The following STXBP2 variants were observed in gnomAD, a reference collection of about 807,000 sequenced individuals.
STXBP2 encodes syntaxin-binding protein 2.
A neutral mutation model predicts 72.2 loss-of-function variants in STXBP2; 47 were observed. The observed-to-expected ratio is 0.65, with a 90% CI of 0.51 to 0.83. STXBP2 has a LOEUF of 0.83. Ranked by LOEUF, STXBP2 falls within the 40% of genes least tolerant of loss-of-function variation. The pLI is 0.00. For synonymous variants in STXBP2, 367 were observed against 338.7 expected (o/e 1.08, Z -0.92); for missense variants, 702 against 807.6 (o/e 0.87, Z 1.58).
rs555533934 is a variant in STXBP2, at chr19:7,640,188, ATGTG to A, written c.246+385_246+388del. 186 of 513,636 alleles carry A rather than the reference ATGTG, an allele frequency of 3.6e-4. No homozygotes were observed. The Admixed American group carries it at 4.4e-3, about 12-fold the overall frequency. 31.8% of individuals were successfully genotyped at this position (513,636 alleles called of 1,614,324 possible). ...TGTGTGTGTGCGTCTGTCTGTGTGCATGTGTGTATGCGTGTGTATGTATGTGTCT... is the reference window on the plus strand; with the variant it reads ...TGTGTGTGTGCGTCTGTCTGTGTGCATGTATGCGTGTGTATGTATGTGTCT... On this transcript the variant is annotated intron_variant, in intron 4 of 18. Coordinates refer to ENST00000221283, the MANE Select transcript of STXBP2 (RefSeq NM_006949.4).
chr19:7,636,800 C>T (rs2031552004), upstream of STXBP2: 1 of 262,326 alleles, frequency 3.8e-6, no homozygotes, highest in Non-Finnish European at 7.2e-6. Context: ...CGAGTGGGTG[C>T]CGTGTATCTT....
At position 7,646,242 on chromosome 19, in the gene STXBP2, C is replaced by T; in HGVS notation, c.1357-7C>T. 1 of 1,597,468 alleles carries T rather than the reference C, an allele frequency of 6.3e-7. No individual in the cohort carries two copies. Among genetic ancestry groups the T allele is most frequent in the Non-Finnish European group, 8.5e-7 (1 of 1,173,098 alleles). ...TCCCCCTGCTGCCCTCCCTGCCCTGCCTGTAGGGCTCGGGGACCTCCAGCC... is the reference window on the plus strand; with the variant it reads ...TCCCCCTGCTGCCCTCCCTGCCCTGTCTGTAGGGCTCGGGGACCTCCAGCC... On this transcript the variant is annotated splice_polypyrimidine_tract_variant and splice_region_variant and intron_variant, in intron 15 of 18. Transcript: ENST00000221283.
At chr19:7,637,048 C>T (rs1251947535), upstream of STXBP2, 14 of 1,187,388 alleles carry the variant, frequency 1.2e-5, no homozygotes, top group African/African-American at 1.6e-5. Context: ...GCGCAGGGGG[C>T]GGGGACAGGG....
chr19:7,635,255 C>T (rs891249832), upstream of STXBP2, among the ~76,000 whole-genome samples: 4 of 152,172 alleles, frequency 2.6e-5, no homozygotes, highest in Non-Finnish European at 2.9e-5. Flanking sequence ...AAGACAAAAC[C>T]CAAACACCTA....
At chr19:7,632,928 C>G, upstream of STXBP2, 1 of 1,495,376 alleles carries the variant, frequency 6.7e-7, no homozygotes, top group Middle Eastern at 1.7e-4. The surrounding 1 kb of genome is among the most constrained non-coding windows in gnomAD (Gnocchi z 5.2). Context: ...CCGGGGCCTG[C>G]CGTCCCCACT....
rs1483752718 is a variant in STXBP2, at chr19:7,640,992, T to C, written c.418T>C (p.Tyr140His). 1.2e-6 allele frequency: 2 copies of C among 1,614,102 alleles called. No individual in the cohort carries two copies. Among genetic ancestry groups the C allele is most frequent in the Non-Finnish European group, 1.7e-6 (2 of 1,180,000 alleles). ...LKEIHLAFLP[Y>H]EAQVFSLDAP... ...GGAGATTCACCTTGCCTTCCTCCCCTACGAGGCCCAGGTACGGCCCGGGCT... is the reference window on the plus strand; with the variant it reads ...GGAGATTCACCTTGCCTTCCTCCCCCACGAGGCCCAGGTACGGCCCGGGCT... Residue 140 changes from tyrosine (Y) to histidine (H), a missense_variant, in exon 6 of 19, where the codon TAC (tyrosine) becomes CAC (histidine). Tyr to His is a moderately conservative substitution (Grantham distance 83). Coordinates refer to ENST00000221283, the MANE Select transcript of STXBP2 (RefSeq NM_006949.4).
At position 7,644,979 on chromosome 19, in the gene STXBP2, C is replaced by T. The variant is rs1373401880; in HGVS notation, c.1247-218C>T. 3 of 1,447,422 alleles carry T rather than the reference C, an allele frequency of 2.1e-6. No homozygotes were observed. The East Asian group carries it at 7.5e-5, about 36-fold the overall frequency. 89.7% of individuals were successfully genotyped at this position (1,447,422 alleles called of 1,614,324 possible). A position where few individuals can be genotyped will look rare whatever the true frequency, so the allele number is the denominator to read the frequency against. On this transcript the variant is annotated intron_variant, in intron 14 of 18. Coordinates refer to ENST00000221283, the MANE Select transcript of STXBP2 (RefSeq NM_006949.4). ...GTAGAAACCCTCACATCTGTGATTC[C>T]TATAGATGTGGGGCTCCCTCAGCTC... is the stretch of plus-strand genomic sequence containing the variant.
intron 15 of STXBP2, 166 bp from the exon 16 acceptor site, chr19:7,646,083 T>TTC: frequency 1.6e-6 from 1 of 628,860 alleles, no homozygotes; most frequent in Non-Finnish European, 2.9e-6. Flanking sequence ...GGCTCACTGT[T>TTC]TCTCTCTCTC....
chr19:7,630,760 C>G, the STXBP2 span: 1 of 1,536,632 alleles, frequency 6.5e-7, no homozygotes, highest in East Asian at 2.4e-5. Flanking sequence ...TAAGCCGACC[C>G]TGCCCTGATG....
Position 7,647,434 on chromosome 19 carries a change from G to A in STXBP2, c.1619G>A (p.Gly540Asp). The A allele has an allele frequency of 1.2e-6, 2 of 1,613,610 alleles. No homozygotes were observed. The highest frequency in any genetic ancestry group is 1.7e-6 in the Non-Finnish European group (2 of 1,179,936). Residue 540 changes from glycine (G) to aspartate (D), a missense_variant, in exon 18 of 19, where the codon GGC becomes GAC. Physicochemically the swap from Gly to Asp is moderately conservative, Grantham distance 94. Coordinates refer to ENST00000221283, the MANE Select transcript of STXBP2 (RefSeq NM_006949.4). Reference sequence around the variant, plus strand: ...CCCCGGCTCATCGTGTATGTCATGGGCGGTGTGGCCATGTCAGAGATGAGG... The same window carrying A: ...CCCCGGCTCATCGTGTATGTCATGGACGGTGTGGCCATGTCAGAGATGAGG... The part of the protein sequence containing the change: ...AGPRLIVYVM[G>D]GVAMSEMRAA...
At chr19:7,639,134 G>C (rs1049824748) in intron 3 of STXBP2, 34 bp downstream of exon 3, 7 of 1,608,648 alleles carry the variant, frequency 4.4e-6, no homozygotes, top group African/African-American at 1.3e-5. Flanking sequence ...GATGGGACCT[G>C]AGCGTGGGAA....
chr19:7,640,853 G>T (rs780518431), intron 5 of STXBP2, 44 bp downstream of exon 5: 3 of 1,613,994 alleles, frequency 1.9e-6, no homozygotes, highest in South Asian at 1.1e-5. Flanking sequence ...GGGCAAGGAG[G>T]TGTGGGGGCT....
chr19:7,629,911 A>G, the STXBP2 span: 1 of 1,484,476 alleles, frequency 6.7e-7, no homozygotes, highest in East Asian at 2.5e-5. Context: ...ATCTTCCTGG[A>G]TCTGAAGATG....
At chr19:7,633,578 G>T, upstream of STXBP2, 2 of 901,528 alleles carry the variant, frequency 2.2e-6, no homozygotes, top group Non-Finnish European at 3.5e-6. Flanking sequence ...CCCAGCTCAT[G>T]CCCCATCTGC....
chr19:7,640,500 CTGTGTGTG>C, intron 4 of STXBP2: 1 of 588,464 alleles, frequency 1.7e-6, no homozygotes. Context: ...GTGTGTGCAT[CTGTGTGTG>C]TGTGCATGTG....
At chr19:7,639,654 A>C (rs561556497) in intron 3 of STXBP2, 77 bp from the exon 4 acceptor site, 1 of 1,414,002 alleles carries the variant, frequency 7.1e-7, no homozygotes, top group Non-Finnish European at 9.8e-7. Context: ...CAAGCCTCCA[A>C]CCCCCCACAC....
intron 14 of STXBP2, chr19:7,644,953 C>T (rs564396663): frequency 3.2e-5 from 46 of 1,448,234 alleles, no homozygotes; most frequent in Middle Eastern, 5.0e-4. Context: ...TCCCTGCTAA[C>T]GTAGAAACCC....
chr19:7,641,874 CACCCCGATG>C, intron 7 of STXBP2, 21 bp downstream of exon 7: 1 of 1,527,676 alleles, frequency 6.5e-7, no homozygotes, highest in Non-Finnish European at 8.9e-7. Flanking sequence ...CACCCAGCCC[CACCCCGATG>C]CCGACCCCCC....
upstream of STXBP2, chr19:7,632,999 TGA>T (rs34406374): frequency 0.31 from 451,176 of 1,435,264 alleles, 72,827 homozygotes; most frequent in Non-Finnish European, 0.33. This position sits in a 1 kb window ranked among gnomAD's most constrained non-coding sequence, Gnocchi z 5.2. Context: ...GAATGAGACA[TGA>T]GTCTCCTTCC....
Sources: gnomAD v4.1 joint callset for allele counts (sites outside exome capture counted in the v4.1 genomes callset) on GRCh38, gnomAD v4.1.1 for gene constraint, Gnocchi (gnomAD v3.1) non-coding constraint, MANE v1.5 for transcripts, NCBI Gene and HGNC (gene_info 2026-07-23, HGNC 2026-07-21) for gene names.